BMAL2: variants seen among roughly 807,000 people sequenced by gnomAD.
BMAL2 encodes basic helix-loop-helix ARNT-like protein 2.
chr12:27,364,019 C>T, the BMAL2 span, among the ~76,000 whole-genome samples: 18 of 152,164 alleles, frequency 1.2e-4, no homozygotes, highest in African/African-American at 2.9e-4. Context: ...GATCAAGGCA[C>T]GGGCAACTTC....
the BMAL2 span, among the ~76,000 whole-genome samples, chr12:27,419,898 T>G: frequency 3.3e-5 from 5 of 152,200 alleles, no homozygotes; most frequent in Non-Finnish European, 7.3e-5. Flanking sequence ...TTTATCTCCC[T>G]TTTATAAGAA....
the BMAL2 span, among the ~76,000 whole-genome samples, chr12:27,356,887 G>A: frequency 6.6e-6 from 1 of 151,950 alleles, no homozygotes; most frequent in African/African-American, 2.4e-5. Context: ...CCAATGTGTA[G>A]CCTTTTATCC....
At chr12:27,352,929 T>C in the BMAL2 span, among the ~76,000 whole-genome samples, 1 of 152,112 alleles carries the variant, frequency 6.6e-6, no homozygotes, top group Non-Finnish European at 1.5e-5. Context: ...AAATCAGAGA[T>C]GGCACAAACA....
chr12:27,383,749 G>T, the BMAL2 span, among the ~76,000 whole-genome samples: 3 of 152,194 alleles, frequency 2.0e-5, no homozygotes, highest in Non-Finnish European at 4.4e-5. Flanking sequence ...CTCCCAAGCT[G>T]CTGTGTAGTA....
the BMAL2 span, among the ~76,000 whole-genome samples, chr12:27,405,828 G>T: frequency 2.0e-5 from 3 of 152,064 alleles, no homozygotes; most frequent in Admixed American, 6.5e-5. Flanking sequence ...CCATGGCAAA[G>T]AAGTTAAAAA....
At chr12:27,342,401 A>G in the BMAL2 span, among the ~76,000 whole-genome samples, 2 of 152,242 alleles carry the variant, frequency 1.3e-5, no homozygotes, top group Non-Finnish European at 2.9e-5. Context: ...CTATAAGTGT[A>G]TTTTATAGAA....
chr12:27,384,497 C>T, the BMAL2 span, among the ~76,000 whole-genome samples: 1 of 152,138 alleles, frequency 6.6e-6, no homozygotes, highest in Non-Finnish European at 1.5e-5. Context: ...AGAATACCCC[C>T]ATTCAAGGTA....
At chr12:27,418,201 G>A in the BMAL2 span, 1 of 1,592,400 alleles carries the variant, frequency 6.3e-7, no homozygotes, top group Non-Finnish European at 8.6e-7. Context: ...TCCTCAGTAA[G>A]TTTTCTTTGG....
chr12:27,366,216 G>C, the BMAL2 span, among the ~76,000 whole-genome samples: 1 of 151,938 alleles, frequency 6.6e-6, no homozygotes, highest in Non-Finnish European at 1.5e-5. Flanking sequence ...CTGGTTTTTG[G>C]TCCAATATAT....
At chr12:27,424,804 A>G in the BMAL2 span, 1 of 152,198 alleles carries the variant, frequency 6.6e-6, no homozygotes, top group Non-Finnish European at 1.5e-5. Flanking sequence ...AGTGGCCACT[A>G]GGTGCCACTT....
At chr12:27,377,753 G>GA in the BMAL2 span, among the ~76,000 whole-genome samples, 1 of 152,016 alleles carries the variant, frequency 6.6e-6, no homozygotes, top group African/African-American at 2.4e-5. Flanking sequence ...AAAAGATAAA[G>GA]AAAAAAATCT....
At chr12:27,367,711 G>A in the BMAL2 span, among the ~76,000 whole-genome samples, 2 of 151,562 alleles carry the variant, frequency 1.3e-5, no homozygotes, top group Admixed American at 1.3e-4. Context: ...TACACAATTA[G>A]TCTTTCATTC....
chr12:27,383,622 T>C, the BMAL2 span, among the ~76,000 whole-genome samples: 1 of 152,170 alleles, frequency 6.6e-6, no homozygotes, highest in Non-Finnish European at 1.5e-5. Context: ...CCTGGTATGC[T>C]CTGCCAACCT....
chr12:27,365,468 A>G, the BMAL2 span, among the ~76,000 whole-genome samples: 1 of 151,968 alleles, frequency 6.6e-6, no homozygotes, highest in African/African-American at 2.4e-5. Context: ...TTTAATATCA[A>G]AATTATGTAA....
the BMAL2 span, chr12:27,421,124 T>C: frequency 2.0e-5 from 3 of 152,178 alleles, no homozygotes; most frequent in Non-Finnish European, 4.4e-5. Flanking sequence ...TTGAGCACTT[T>C]AAGATGAATT....
chr12:27,376,755 CTT>C, the BMAL2 span, among the ~76,000 whole-genome samples: 1 of 151,924 alleles, frequency 6.6e-6, no homozygotes, highest in Non-Finnish European at 1.5e-5. Flanking sequence ...AATCCCAGCA[CTT>C]TGGGAGGCCG....
chr12:27,422,238 A>T, the BMAL2 span: 2 of 152,198 alleles, frequency 1.3e-5, no homozygotes, highest in African/African-American at 4.8e-5. Flanking sequence ...TGAAAGTCAG[A>T]TAGGCTGGGA....
chr12:27,407,365 T>C, the BMAL2 span, among the ~76,000 whole-genome samples: 9 of 152,100 alleles, frequency 5.9e-5, no homozygotes, highest in Admixed American at 5.9e-4. Context: ...TCAGCAAATG[T>C]AAAAGAACAG....
At chr12:27,418,978 A>AAC in the BMAL2 span, among the ~76,000 whole-genome samples, 4 of 13,178 alleles carry the variant, frequency 3.0e-4, no homozygotes, top group Admixed American at 4.4e-3. Flanking sequence ...GACTCCATCT[A>AAC]AAAAAAAAAA....
Sources: gnomAD v4.1 joint callset for allele counts (sites outside exome capture counted in the v4.1 genomes callset) on GRCh38, gnomAD v4.1.1 for gene constraint, MANE v1.5 for transcripts, NCBI Gene and HGNC (gene_info 2026-07-23, HGNC 2026-07-21) for gene names.